IL1RAPL2: variants seen among roughly 807,000 people sequenced by gnomAD.
IL1RAPL2 encodes the protein interleukin 1 receptor accessory protein like 2.
A neutral mutation model predicts 44.1 loss-of-function variants in IL1RAPL2; 3 were observed. The observed-to-expected ratio is 0.07, with a 90% confidence interval of 0.03 to 0.18. The LOEUF (loss-of-function observed/expected upper bound fraction) is 0.18. Ranked by LOEUF, IL1RAPL2 falls within the 10% of genes least tolerant of loss-of-function variation. The pLI is 1.00. For synonymous variants in IL1RAPL2, 181 were observed against 178.8 expected (o/e 1.01, Z -0.10); for missense variants, 391 against 496.4 (o/e 0.79, Z 2.02).
At chrX:105,207,974 T>G (rs782757204) in intron 3 of IL1RAPL2, among the ~76,000 whole-genome samples, 27 of 111,921 alleles carry the variant, frequency 2.4e-4, no homozygotes, top group African/African-American at 8.8e-4. Context: ...TTTTGTCTTA[T>G]AGAATCGTGC....
intron 5 of IL1RAPL2, among the ~76,000 whole-genome samples, chrX:105,353,110 A>G (rs780899190): frequency 0.025 from 2,808 of 111,314 alleles, 114 homozygotes; most frequent in African/African-American, 0.088. Context: ...ATTTTTGTAT[A>G]AGGTGTAAGG....
chrX:104,617,193 C>T (rs1401608985), intron 1 of IL1RAPL2, among the ~76,000 whole-genome samples: 3 of 111,690 alleles, frequency 2.7e-5, no homozygotes, highest in African/African-American at 9.8e-5. Context: ...TGAAAATAGG[C>T]CCAGAATCTC....
intron 2 of IL1RAPL2, among the ~76,000 whole-genome samples, chrX:104,798,173 C>G (rs1932862487): frequency 9.0e-6 from 1 of 111,390 alleles, no homozygotes; most frequent in East Asian, 2.8e-4. Context: ...TTCAAGAAAT[C>G]TCAAAATTCT....
At chrX:105,528,816 A>G (rs1478386602) in intron 6 of IL1RAPL2, among the ~76,000 whole-genome samples, 1 of 111,471 alleles carries the variant, frequency 9.0e-6, no homozygotes, top group Non-Finnish European at 1.9e-5. Context: ...CACATATACT[A>G]TATTGAAATT....
intron 2 of IL1RAPL2, among the ~76,000 whole-genome samples, chrX:104,703,192 A>G (rs1351216885): frequency 9.0e-6 from 1 of 111,282 alleles, no homozygotes. Context: ...TTGCTCTCTT[A>G]AGACTAGTTT....
At chrX:104,949,668 C>T (rs1268654158) in intron 2 of IL1RAPL2, among the ~76,000 whole-genome samples, 22 of 109,734 alleles carry the variant, frequency 2.0e-4, no homozygotes, top group Non-Finnish European at 2.5e-4. Flanking sequence ...GCCTTCATTT[C>T]GTTATGTAGC....
intron 2 of IL1RAPL2, among the ~76,000 whole-genome samples, chrX:104,930,850 A>G (rs1924880945): frequency 1.8e-5 from 2 of 111,647 alleles, no homozygotes. Flanking sequence ...ACAGATGAAG[A>G]AACTGAGTGA....
At chrX:104,893,140 C>G (rs1331890524) in intron 2 of IL1RAPL2, among the ~76,000 whole-genome samples, 2 of 112,058 alleles carry the variant, frequency 1.8e-5, no homozygotes. Flanking sequence ...TTTGATTGCA[C>G]TGTGGTCTGA....
chrX:104,856,406 G>A (rs978162148), intron 2 of IL1RAPL2, among the ~76,000 whole-genome samples: 4 of 111,623 alleles, frequency 3.6e-5, no homozygotes, highest in Non-Finnish European at 5.6e-5. Flanking sequence ...AAAATGAATC[G>A]GGACAAAATC....
chrX:105,533,485 T>G (rs1210531804), intron 6 of IL1RAPL2, among the ~76,000 whole-genome samples: 1 of 111,880 alleles, frequency 8.9e-6, no homozygotes, highest in Non-Finnish European at 1.9e-5. Flanking sequence ...TGTTCATGTG[T>G]GTGCAGCTTT....
intron 2 of IL1RAPL2, among the ~76,000 whole-genome samples, chrX:105,069,368 G>A (rs888888238): frequency 1.8e-5 from 2 of 112,711 alleles, no homozygotes; most frequent in African/African-American, 6.4e-5. Flanking sequence ...GGATTTGGCT[G>A]TATAAATCTG....
rs1289954937 is a variant in IL1RAPL2 at position 105,021,937 on chromosome X, A to G, written c.83-173538A>G. On this transcript the variant is annotated intron_variant, in intron 2 of 10. Coordinates refer to ENST00000372582, the MANE Select transcript of IL1RAPL2 (RefSeq NM_017416.2). ...GCATGCATAGCCCTTGCCCTTAGAC[A>G]ATACATTTAGGGTGTGAGCATTCAC... 3.6e-5 allele frequency among the ~76,000 whole-genome samples: 4 copies of G among 111,046 alleles called. No homozygotes were observed. In the Admixed American group the frequency reaches 3.8e-4, roughly 11 times the overall value.
At chrX:104,633,222 A>G (rs367920160) in intron 1 of IL1RAPL2, among the ~76,000 whole-genome samples, 36 of 111,481 alleles carry the variant, frequency 3.2e-4, no homozygotes, top group Non-Finnish European at 5.8e-4. Flanking sequence ...GCTTTTTGAT[A>G]TGCTGCTGGA....
chrX:105,068,109 T>C (rs2147536260), intron 2 of IL1RAPL2, among the ~76,000 whole-genome samples: 1 of 112,141 alleles, frequency 8.9e-6, no homozygotes, highest in Admixed American at 9.5e-5. Context: ...AAATATATGA[T>C]TGGGTCTTCC....
At chrX:104,807,636 G>A (rs991088836) in intron 2 of IL1RAPL2, among the ~76,000 whole-genome samples, 1 of 111,285 alleles carries the variant, frequency 9.0e-6, no homozygotes, top group South Asian at 3.8e-4. Flanking sequence ...GACGATCACG[G>A]TTAACTCTTC....
chrX:105,008,923 C>A (rs1388403634), intron 2 of IL1RAPL2, among the ~76,000 whole-genome samples: 2 of 111,643 alleles, frequency 1.8e-5, no homozygotes, highest in East Asian at 5.6e-4. Context: ...CCAACCCCAT[C>A]AAAAAGTGGG....
At chrX:105,411,748 TAGAA>T (rs1192933494) in intron 5 of IL1RAPL2, among the ~76,000 whole-genome samples, 1 of 111,333 alleles carries the variant, frequency 9.0e-6, no homozygotes, top group Non-Finnish European at 1.9e-5. Context: ...CTTTCAACAA[TAGAA>T]AGAAAGTCAA....
At chrX:104,962,578 G>A (rs2030029775) in intron 2 of IL1RAPL2, among the ~76,000 whole-genome samples, 2 of 112,136 alleles carry the variant, frequency 1.8e-5, no homozygotes, top group Admixed American at 9.4e-5. Flanking sequence ...CACTAAAGGT[G>A]CAATGCTAAA....
At chrX:105,233,326 T>C (rs1471437307) in intron 3 of IL1RAPL2, among the ~76,000 whole-genome samples, 2 of 112,116 alleles carry the variant, frequency 1.8e-5, no homozygotes, top group East Asian at 5.6e-4. Context: ...ACCTGTAAGC[T>C]AACAGATATC....
Sources: gnomAD v4.1 joint callset for allele counts (sites outside exome capture counted in the v4.1 genomes callset) on GRCh38, gnomAD v4.1.1 for gene constraint, MANE v1.5 for transcripts, NCBI Gene and HGNC (gene_info 2026-07-23, HGNC 2026-07-21) for gene names.